The following MC2R variants were observed in gnomAD, a reference collection of about 807,000 sequenced individuals.
MC2R encodes the protein melanocortin 2 receptor.
A neutral mutation model predicts 9.8 loss-of-function variants in MC2R; 9 were observed. That is an observed-to-expected ratio of 0.92 (90% CI 0.55 to 1.60). MC2R has a LOEUF of 1.60. Among genes scored for constraint, MC2R ranks in the 40% most tolerant of loss-of-function variants. MC2R has a pLI of 0.00. For missense variants in MC2R, 370 were observed against 389.0 expected, an observed-to-expected ratio of 0.95 and a Z score of 0.41; for synonymous variants, 185 against 154.7, an observed-to-expected ratio of 1.20 and a Z score of -1.45.
intron 1 of MC2R, among the ~76,000 whole-genome samples, chr18:13,911,716 G>A (rs2045445757): frequency 6.6e-6 from 1 of 152,130 alleles, no homozygotes; most frequent in Non-Finnish European, 1.5e-5. Context: ...TCTGGGGGAT[G>A]TTAACTGGGA....
At chr18:13,888,874 G>A (rs771188441) in intron 1 of MC2R, among the ~76,000 whole-genome samples, 22 of 152,216 alleles carry the variant, frequency 1.4e-4, no homozygotes, top group Non-Finnish European at 3.1e-4. Context: ...TTGGCTTAAA[G>A]AACTTGGATA....
chr18:13,905,471 C>T (rs578251181), intron 1 of MC2R, among the ~76,000 whole-genome samples: 127 of 141,402 alleles, frequency 9.0e-4, no homozygotes, highest in African/African-American at 3.2e-3. Flanking sequence ...GGCAACAGAG[C>T]GAGACTCCCT....
intron 1 of MC2R, among the ~76,000 whole-genome samples, chr18:13,905,276 G>A (rs1344488951): frequency 6.6e-6 from 1 of 151,982 alleles, no homozygotes; most frequent in East Asian, 1.9e-4. Flanking sequence ...ACAAACAAAT[G>A]AAAAAAAGCT....
intron 1 of MC2R, among the ~76,000 whole-genome samples, chr18:13,890,792 T>A (rs1418584397): frequency 6.6e-6 from 1 of 152,154 alleles, no homozygotes; most frequent in East Asian, 1.9e-4. Flanking sequence ...AGAAGTCCGG[T>A]CTCCTTCTGG....
At chr18:13,902,314 T>C (rs8084478) in intron 1 of MC2R, among the ~76,000 whole-genome samples, 73,902 of 151,874 alleles carry the variant, frequency 0.49, 18,423 homozygotes, top group Middle Eastern at 0.61. Context: ...ATATTAAGGA[T>C]GATCTTCACA....
intron 1 of MC2R, among the ~76,000 whole-genome samples, chr18:13,897,934 C>G (rs767403027): frequency 6.6e-6 from 1 of 151,950 alleles, no homozygotes; most frequent in African/African-American, 2.4e-5. Flanking sequence ...AGGTGAGACC[C>G]AGCACATTCC....
chr18:13,890,021 A>C (rs1307680395), intron 1 of MC2R, among the ~76,000 whole-genome samples: 1 of 152,210 alleles, frequency 6.6e-6, no homozygotes, highest in Non-Finnish European at 1.5e-5. Flanking sequence ...TATTCATTTG[A>C]TAAGGAAGTT....
intron 1 of MC2R, among the ~76,000 whole-genome samples, chr18:13,914,415 G>A (rs1428886482): frequency 6.6e-6 from 1 of 152,208 alleles, no homozygotes; most frequent in Non-Finnish European, 1.5e-5. Flanking sequence ...CAGCACATAA[G>A]GGTTCGGTAC....
At chr18:13,889,095 C>G (rs2045297437) in intron 1 of MC2R, among the ~76,000 whole-genome samples, 1 of 152,204 alleles carries the variant, frequency 6.6e-6, no homozygotes, top group East Asian at 1.9e-4. Flanking sequence ...CTATTGAAAC[C>G]TGTCTCAAGC....
intron 1 of MC2R, among the ~76,000 whole-genome samples, chr18:13,889,214 T>C (rs2045298304): frequency 6.6e-6 from 1 of 152,184 alleles, no homozygotes; most frequent in Non-Finnish European, 1.5e-5. Flanking sequence ...CTTTCTTATG[T>C]TATTGGAACC....
chr18:13,889,265 C>T (rs1392751292), intron 1 of MC2R, among the ~76,000 whole-genome samples: 1 of 152,196 alleles, frequency 6.6e-6, no homozygotes, highest in Non-Finnish European at 1.5e-5. Context: ...GCTCCATCAC[C>T]TTGAGCTTGC....
chr18:13,903,925 T>A (rs542588792), intron 1 of MC2R, among the ~76,000 whole-genome samples: 1 of 152,276 alleles, frequency 6.6e-6, no homozygotes, highest in Non-Finnish European at 1.5e-5. Context: ...TTTAAAGCTG[T>A]GCTGTTTCTT....
Position 13,884,587 on chromosome 18 carries a change from G to C in MC2R, c.*38C>G, listed in dbSNP as rs1567895263. 6.2e-7 allele frequency: 1 copy of C among 1,604,760 alleles called. No homozygotes were observed. ...TTACACTATTCTGGCACTTGGCAACGTTATTCCCATGGATTCTAAAACCAG... is the reference window on the plus strand; with the variant it reads ...TTACACTATTCTGGCACTTGGCAACCTTATTCCCATGGATTCTAAAACCAG... On this transcript the variant is annotated 3_prime_UTR_variant, in exon 2 of 2. Transcript: ENST00000327606.
At position 13,884,408 on chromosome 18, in the gene MC2R, T is replaced by A. The variant is rs886316999; in HGVS notation, c.*217A>T. 3.8e-5 allele frequency: 23 copies of A among 609,672 alleles called. No individual in the cohort carries two copies. Among genetic ancestry groups the A allele is most frequent in the Non-Finnish European group, 5.5e-5 (19 of 342,454 alleles). The allele number at this position is 609,672 out of a possible 1,614,324, so 37.8% of individuals were successfully genotyped here. A position where few individuals can be genotyped will look rare whatever the true frequency, so the allele number is the denominator to read the frequency against. On this transcript the variant is annotated 3_prime_UTR_variant, in exon 2 of 2. Transcript: ENST00000327606. ...TGTATTCTATCCTTCTTTTACTACA[T>A]CGTTTTATCTGTCCAGTCACAAAGT...
chr18:13,886,644 C>A (rs1291783863), intron 1 of MC2R, among the ~76,000 whole-genome samples: 1 of 152,164 alleles, frequency 6.6e-6, no homozygotes, highest in East Asian at 1.9e-4. Flanking sequence ...ATACAATGAG[C>A]GTCAGCACTT....
chr18:13,892,805 TACACAC>T (rs34352644), intron 1 of MC2R, among the ~76,000 whole-genome samples: 63,186 of 146,984 alleles, frequency 0.43, 13,742 homozygotes, highest in East Asian at 0.64. Flanking sequence ...CATAATCTGT[TACACAC>T]ACACACACAC....
At chr18:13,912,269 G>C (rs1168573087) in intron 1 of MC2R, among the ~76,000 whole-genome samples, 1 of 152,166 alleles carries the variant, frequency 6.6e-6, no homozygotes, top group Non-Finnish European at 1.5e-5. Flanking sequence ...ATAAAGGGTA[G>C]GTGTTCCTAT....
At chr18:13,892,805 TAC>T (rs34352644) in intron 1 of MC2R, among the ~76,000 whole-genome samples, 4,782 of 147,142 alleles carry the variant, frequency 0.032, 150 homozygotes, top group African/African-American at 0.079. Context: ...CATAATCTGT[TAC>T]ACACACACAC....
At position 13,882,671 on chromosome 18, in the gene MC2R, T is replaced by TGC. The variant is rs1334956646; in HGVS notation, c.*1953_*1954insGC. On this transcript the variant is annotated 3_prime_UTR_variant, in exon 2 of 2. Coordinates refer to ENST00000327606, the MANE Select transcript of MC2R (RefSeq NM_000529.2). ...TACAGGTTAAGTGGCATTGCTTACC[T>TGC]CTGTGGTATCACAGAGCATTGCAGC... is the stretch of plus-strand genomic sequence containing the variant. The TGC allele has an allele frequency of 6.6e-6, 1 of 152,230 alleles. No individual in the cohort carries two copies. Among genetic ancestry groups the TGC allele is most frequent in the East Asian group, 1.9e-4 (1 of 5,198 alleles). 9.4% of individuals were successfully genotyped at this position (152,230 alleles called of 1,614,324 possible). A position where few individuals can be genotyped will look rare whatever the true frequency, so the allele number is the denominator to read the frequency against.
Sources: allele counts gnomAD v4.1 joint callset (sites outside exome capture counted in the v4.1 genomes callset), GRCh38; gene constraint gnomAD v4.1.1; transcripts MANE v1.5; gene names NCBI Gene and HGNC (gene_info 2026-07-23, HGNC 2026-07-21).